The following STOX2 variants were observed in gnomAD, a reference collection of about 807,000 sequenced individuals.
STOX2 encodes the protein storkhead-box protein 2.
Under a neutral mutation model 60.9 loss-of-function variants are expected in STOX2, and 28 were observed. That is an observed-to-expected ratio of 0.46 (90% CI 0.34 to 0.63). The LOEUF is 0.63. Among genes scored for constraint, STOX2 ranks in the 30% least tolerant of loss-of-function variants. The probability of loss-of-function intolerance (pLI) is 0.01; values close to 1 mark genes in which losing one functional copy is unlikely to be tolerated. For missense variants in STOX2, 1,024 were observed against 1,187.7 expected, an observed-to-expected ratio of 0.86 and a Z score of 2.03; for synonymous variants, 472 against 463.9, an observed-to-expected ratio of 1.02 and a Z score of -0.22.
intron 1 of STOX2, among the ~76,000 whole-genome samples, chr4:184,000,470 A>G (rs979401926): frequency 1.8e-4 from 28 of 152,048 alleles, no homozygotes; most frequent in African/African-American, 6.5e-4. Context: ...CACCACAGTC[A>G]TCTTTCTGAA....
At chr4:183,937,369 A>C (rs964680127) in intron 1 of STOX2, among the ~76,000 whole-genome samples, 1 of 152,222 alleles carries the variant, frequency 6.6e-6, no homozygotes, top group Non-Finnish European at 1.5e-5. Context: ...TCCATCCTGA[A>C]GGAGAGAATT....
At position 183,942,236 on chromosome 4, in the gene STOX2, C is replaced by T. The variant is rs183269628; in HGVS notation, c.166+35280C>T. Among the ~76,000 whole-genome samples, 216 of 151,780 alleles carry T rather than the reference C, an allele frequency of 1.4e-3. 1 individual carries two copies. The highest frequency in any genetic ancestry group is 4.8e-3 in the African/African-American group (199 of 41,344). ...AATTTACTGTTGATTGATCAACCAG[C>T]TTATTTCCTTTGACTTTAGACATTT... is the stretch of plus-strand genomic sequence containing the variant. On this transcript the variant is annotated intron_variant, in intron 1 of 3. Coordinates refer to ENST00000308497, the MANE Select transcript of STOX2 (RefSeq NM_020225.3).
chr4:183,957,923 G>T (rs1279974268), intron 1 of STOX2, among the ~76,000 whole-genome samples: 1 of 150,636 alleles, frequency 6.6e-6, no homozygotes, highest in Non-Finnish European at 1.5e-5. Context: ...GTTTCTTTCA[G>T]GGGGGATGGT....
At chr4:183,967,745 T>C (rs1178319739) in intron 1 of STOX2, among the ~76,000 whole-genome samples, 1 of 152,164 alleles carries the variant, frequency 6.6e-6, no homozygotes, top group Non-Finnish European at 1.5e-5. Flanking sequence ...CTGTGTTGGA[T>C]TAAAAAGATC....
upstream of STOX2, among the ~76,000 whole-genome samples, chr4:183,901,037 T>C (rs1741448576): frequency 6.6e-6 from 1 of 152,152 alleles, no homozygotes; most frequent in Non-Finnish European, 1.5e-5. Flanking sequence ...CTCTACCAAT[T>C]AAACAACAAC....
chr4:183,812,482 T>C (rs1165824883), intron 1 of STOX2, among the ~76,000 whole-genome samples: 1 of 152,212 alleles, frequency 6.6e-6, no homozygotes, highest in Non-Finnish European at 1.5e-5. Flanking sequence ...TTTTAAATGA[T>C]TTTTTCTTCC....
rs538536739 is a variant in STOX2 at position 184,017,014 on chromosome 4, GC to G, written c.2586-74del. 27 of 1,240,612 alleles carry G rather than the reference GC, an allele frequency of 2.2e-5. No homozygotes were observed. In the South Asian group the frequency reaches 3.8e-4, roughly 17 times the overall value. 76.9% of individuals were successfully genotyped at this position (1,240,612 alleles called of 1,614,324 possible). ...AGGAAATCCATTAACGACATCATTTGCTCTTCCTCTGGGGCTCAATTTATAA... is the reference window on the plus strand; with the variant it reads ...AGGAAATCCATTAACGACATCATTTGTCTTCCTCTGGGGCTCAATTTATAA... On this transcript the variant is annotated intron_variant, in intron 3 of 3. Coordinates refer to ENST00000308497, the MANE Select transcript of STOX2 (RefSeq NM_020225.3).
intron 1 of STOX2, among the ~76,000 whole-genome samples, chr4:183,855,577 CAT>C (rs1740268111): frequency 1.3e-5 from 2 of 152,124 alleles, no homozygotes. Flanking sequence ...GTCTATTTGG[CAT>C]ATGTTTTGAA....
intron 1 of STOX2, among the ~76,000 whole-genome samples, chr4:183,969,871 C>T (rs1743687816): frequency 6.6e-6 from 1 of 152,200 alleles, no homozygotes; most frequent in African/African-American, 2.4e-5. Context: ...ATCCTCTCAC[C>T]TCAATCTCCC....
chr4:183,940,912 G>A (rs546902359), intron 1 of STOX2, among the ~76,000 whole-genome samples: 44 of 152,178 alleles, frequency 2.9e-4, no homozygotes, highest in Non-Finnish European at 7.3e-5. Context: ...GATGAATACC[G>A]TGTCAAATAA....
At chr4:183,988,245 G>T (rs964315841) in intron 1 of STOX2, 1 of 151,888 alleles carries the variant, frequency 6.6e-6, no homozygotes, top group African/African-American at 2.4e-5. Flanking sequence ...AGTCAGGTTG[G>T]CTGATCCGTC....
At chr4:183,929,001 C>T (rs79723191) in intron 1 of STOX2, among the ~76,000 whole-genome samples, 9 of 152,126 alleles carry the variant, frequency 5.9e-5, no homozygotes, top group East Asian at 1.9e-4. Flanking sequence ...ACACAAGCCC[C>T]GAAAGCGTAA....
chr4:183,950,628 G>T (rs192572080), intron 1 of STOX2, among the ~76,000 whole-genome samples: 1 of 152,316 alleles, frequency 6.6e-6, no homozygotes, highest in Non-Finnish European at 1.5e-5. Context: ...TGTACCGAGG[G>T]GCTGGAATGA....
intron 1 of STOX2, among the ~76,000 whole-genome samples, chr4:183,889,398 TG>T: frequency 6.6e-6 from 1 of 152,156 alleles, no homozygotes; most frequent in East Asian, 1.9e-4. Context: ...GGGCAGGGCA[TG>T]GGGCAGGCTC....
At chr4:183,852,754 A>G (rs557282019) in intron 1 of STOX2, among the ~76,000 whole-genome samples, 5 of 152,338 alleles carry the variant, frequency 3.3e-5, no homozygotes, top group East Asian at 1.9e-4. Context: ...ATTTAAACCT[A>G]TTTAATAAAA....
In STOX2 at chr4:183,963,305, G is replaced by A. The variant is rs372816231; in HGVS notation, c.167-38020G>A. 6.6e-4 allele frequency among the ~76,000 whole-genome samples: 100 copies of A among 152,194 alleles called. 2 individuals carry two copies. The South Asian group carries it at 0.014, about 21-fold the overall frequency. ...ATTATGACGTCAAAAAGTCATATTTGTATAATACTTAACTTCATTAATAAA... is the reference window on the plus strand; with the variant it reads ...ATTATGACGTCAAAAAGTCATATTTATATAATACTTAACTTCATTAATAAA... On this transcript the variant is annotated intron_variant, in intron 1 of 3. Coordinates refer to ENST00000308497, the MANE Select transcript of STOX2 (RefSeq NM_020225.3).
intron 1 of STOX2, among the ~76,000 whole-genome samples, chr4:183,948,053 C>T (rs1742946679): frequency 6.6e-6 from 1 of 151,762 alleles, no homozygotes; most frequent in Non-Finnish European, 1.5e-5. Flanking sequence ...CCTGTCTCTA[C>T]TAAAAATACA....
At chr4:183,807,219 G>T (rs1022237593) in intron 1 of STOX2, among the ~76,000 whole-genome samples, 9 of 152,168 alleles carry the variant, frequency 5.9e-5, no homozygotes, top group Non-Finnish European at 1.0e-4. Flanking sequence ...TGATCTGCCC[G>T]TCTTGGCCTC....
chr4:183,831,989 CTTTTT>C (rs11310177), intron 1 of STOX2, among the ~76,000 whole-genome samples: 1 of 135,828 alleles, frequency 7.4e-6, no homozygotes. Flanking sequence ...TCTTCTTCTT[CTTTTT>C]TTTTTTTTTT....
Sources: gnomAD v4.1 joint callset for allele counts (sites outside exome capture counted in the v4.1 genomes callset) on GRCh38, gnomAD v4.1.1 for gene constraint, MANE v1.5 for transcripts, NCBI Gene and HGNC (gene_info 2026-07-23, HGNC 2026-07-21) for gene names.